Variants in SART1 observed in about 807,000 individuals in gnomAD.
The protein encoded by SART1 is spliceosome associated factor 1, recruiter of U4/U6.U5 tri-snRNP.
A neutral mutation model predicts 105.0 loss-of-function variants in SART1; 28 were observed. The observed-to-expected ratio is 0.27, with a 90% CI of 0.20 to 0.37. The LOEUF is 0.37. Ranked by LOEUF, SART1 falls within the 10% of genes least tolerant of loss-of-function variation. The pLI is 1.00. For missense variants in SART1, 894 were observed against 1,106.5 expected, an observed-to-expected ratio of 0.81 and a Z score of 2.72; for synonymous variants, 472 against 462.9, an observed-to-expected ratio of 1.02 and a Z score of -0.25.
At chr11:65,964,203 C>T (rs1855202666) in intron 2 of SART1, 72 bp downstream of exon 2, 1 of 1,277,444 alleles carries the variant, frequency 7.8e-7, no homozygotes, top group Non-Finnish European at 1.1e-6. Flanking sequence ...ACGGGGGAGG[C>T]TTTCTCACAT....
rs746994111 is a variant in SART1 at position 65,967,676 on chromosome 11, C to T, written c.1430-3C>T. 8 of 1,575,836 alleles carry T rather than the reference C, an allele frequency of 5.1e-6. No individual in the cohort carries two copies. The South Asian group carries it at 6.9e-5, about 14-fold the overall frequency. ...GAGCAGGCATCCCCTGTGTTTCCCCCAGAGGAAGGTGGAGCTCCACCGCCG... is the reference window on the plus strand; with the variant it reads ...GAGCAGGCATCCCCTGTGTTTCCCCTAGAGGAAGGTGGAGCTCCACCGCCG... On this transcript the variant is annotated splice_polypyrimidine_tract_variant and splice_region_variant and intron_variant, in intron 11 of 19. Transcript: ENST00000312397.
chr11:65,968,399 A>G (rs1353634293), intron 12 of SART1, among the ~76,000 whole-genome samples: 1 of 152,182 alleles, frequency 6.6e-6, no homozygotes, highest in Non-Finnish European at 1.5e-5. Context: ...ATTGGTGAAC[A>G]GGATAGCCAT....
rs757317150 is a variant in SART1, at chr11:65,979,062, C to G, written c.*32C>G. On this transcript the variant is annotated 3_prime_UTR_variant, in exon 20 of 20. Coordinates refer to ENST00000312397, the MANE Select transcript of SART1 (RefSeq NM_005146.5). The stretch of plus-strand genomic sequence containing the variant: ...CCTCCCGCCCCGGCCCTGCCTCAAC[C>G]TTCATATTAAATAAAGCTCCCTCCT... The G allele has an allele frequency of 1.3e-5, 21 of 1,613,816 alleles. No individual in the cohort carries two copies. The South Asian group carries it at 2.2e-4, about 17-fold the overall frequency.
chr11:65,967,717 C>G lies in SART1; in HGVS notation c.1468C>G (p.Leu490Val), dbSNP rs376037779. 65 of 1,560,256 alleles carry G rather than the reference C, an allele frequency of 4.2e-5. No homozygotes were observed. In the African/African-American group the frequency reaches 8.1e-4, roughly 19 times the overall value. The change falls in exon 12 of 20, where the codon CTG (leucine) becomes GTG (valine). Residue 490 changes from leucine (L) to valine (V), a missense_variant. Leu to Val is a conservative substitution (Grantham distance 32). This residue lies in a region of SART1 where 712 missense variants were observed against 778.2 expected (regional missense o/e 0.91). Transcript: ENST00000312397. ...TCCACCGCCGGGGTCCCCGCAGGTG[C>G]TGGAGGAGGACGAGGCGGAGCTGGA... ...GAPPPGSPQVLEEDEAELELQ... is the reference protein window; with the variant it reads ...GAPPPGSPQVVEEDEAELELQ...
chr11:65,973,627 C>T (rs1449258523), intron 12 of SART1, among the ~76,000 whole-genome samples: 1 of 152,212 alleles, frequency 6.6e-6, no homozygotes, highest in Non-Finnish European at 1.5e-5. Context: ...GCCCGGGGCC[C>T]ACCCCACACC....
intron 12 of SART1, among the ~76,000 whole-genome samples, chr11:65,975,952 G>T (rs1353237898): frequency 6.6e-6 from 1 of 152,168 alleles, no homozygotes; most frequent in Non-Finnish European, 1.5e-5. Flanking sequence ...GAAGCAGGAA[G>T]CGAGAAGCTG....
At chr11:65,962,128 G>GC (rs1555057423) in intron 1 of SART1, 35 bp downstream of exon 1, 1 of 960,044 alleles carries the variant, frequency 1.0e-6, no homozygotes. Flanking sequence ...GGGCGGGTCG[G>GC]GCGGGGGTCC....
At position 65,976,292 on chromosome 11, in the gene SART1, G is replaced by C. The variant is rs930388312; in HGVS notation, c.1573-103G>C. 2.4e-6 allele frequency: 3 copies of C among 1,238,982 alleles called. No individual in the cohort carries two copies. Among genetic ancestry groups the C allele is most frequent in the African/African-American group, 1.5e-5 (1 of 65,742 alleles). 76.7% of individuals were successfully genotyped at this position (1,238,982 alleles called of 1,614,324 possible). A position where few individuals can be genotyped will look rare whatever the true frequency, so the allele number is the denominator to read the frequency against. On this transcript the variant is annotated intron_variant, in intron 12 of 19. Coordinates refer to ENST00000312397, the MANE Select transcript of SART1 (RefSeq NM_005146.5). This position sits in a 1 kb window ranked among gnomAD's most constrained non-coding sequence, Gnocchi z 5.1. ...AGCTGGGCCTGCATGGGCTGTGGGCGTGGCCTGTCTGGCTGCTGCCAGGGA... is the reference window on the plus strand; with the variant it reads ...AGCTGGGCCTGCATGGGCTGTGGGCCTGGCCTGTCTGGCTGCTGCCAGGGA...
chr11:65,975,032 T>C (rs1200543144), intron 12 of SART1, among the ~76,000 whole-genome samples: 1 of 151,374 alleles, frequency 6.6e-6, no homozygotes, highest in African/African-American at 2.4e-5. Context: ...AAAGTGAGAC[T>C]CTGTCTCAAA....
intron 9 of SART1, 117 bp downstream of exon 9, chr11:65,966,673 C>T (rs1855266432): frequency 1.6e-6 from 2 of 1,232,270 alleles, no homozygotes; most frequent in African/African-American, 1.5e-5. Context: ...AAGCGCTTGG[C>T]CTCGCGGGTG....
Position 65,977,009 on chromosome 11 carries a change from C to G in SART1, c.1858-5C>G. 6.2e-7 allele frequency: 1 copy of G among 1,612,960 alleles called. No individual in the cohort carries two copies. Among genetic ancestry groups the G allele is most frequent in the Non-Finnish European group, 8.5e-7 (1 of 1,179,028 alleles). ...TGCTAACCACCCCCGCCACGTGTCC[C>G]GTAGTTCTCTGCTTCCTCCACCACC... is the stretch of plus-strand genomic sequence containing the variant. On this transcript the variant is annotated splice_polypyrimidine_tract_variant and splice_region_variant and intron_variant, in intron 14 of 19. Transcript: ENST00000312397.
Position 65,979,246 on chromosome 11 carries a change from C to G in SART1, c.*216C>G, listed in dbSNP as rs904479648. ...GAGCCCGGGTCCTCTAAGGCTCCTTCCTTCTCCCCTGGCTGTCGGTCACAC... is the reference window on the plus strand; with the variant it reads ...GAGCCCGGGTCCTCTAAGGCTCCTTGCTTCTCCCCTGGCTGTCGGTCACAC... On this transcript the variant is annotated 3_prime_UTR_variant, in exon 20 of 20. Transcript: ENST00000312397. 6 of 629,856 alleles carry G rather than the reference C, an allele frequency of 9.5e-6. No individual in the cohort carries two copies. Among genetic ancestry groups the G allele is most frequent in the South Asian group, 2.0e-5 (1 of 50,848 alleles). 39.0% of individuals were successfully genotyped at this position (629,856 alleles called of 1,614,324 possible).
rs761853584 is a variant in SART1, at chr11:65,976,666, G to A, written c.1757G>A (p.Arg586Gln). 6.8e-6 allele frequency: 11 copies of A among 1,613,676 alleles called. No homozygotes were observed. The highest frequency in any genetic ancestry group is 2.2e-5 in the East Asian group (1 of 44,876). Residue 586 changes from arginine to glutamine, a missense_variant, in exon 14 of 20, where the codon CGG (arginine) becomes CAG (glutamine). Physicochemically the swap from Arg to Gln is conservative, Grantham distance 43 (BLOSUM62 1). Around this residue, in one of 2 missense-constraint regions of SART1, gnomAD observed 182 missense variants for 328.3 expected, o/e 0.55. Coordinates refer to ENST00000312397, the MANE Select transcript of SART1 (RefSeq NM_005146.5). This position sits in a 1 kb window ranked among gnomAD's most constrained non-coding sequence, Gnocchi z 5.1. ...EEQEELMDFE[R>Q]DEERSANGGS... is the part of the protein sequence containing the mutation. Reference sequence around the variant, plus strand: ...TCTTTTGTGCCCCAGGACTTTGAACGGGATGAGGAGCGCTCAGCCAACGGT... The same window carrying A: ...TCTTTTGTGCCCCAGGACTTTGAACAGGATGAGGAGCGCTCAGCCAACGGT...
chr11:65,977,875 G>A lies in SART1; in HGVS notation c.2148G>A (p.Thr716=), dbSNP rs771471274. The change falls in exon 17 of 20, where the codon ACG becomes ACA. Residue 716 remains threonine (T), a synonymous_variant. Coordinates refer to ENST00000312397, the MANE Select transcript of SART1 (RefSeq NM_005146.5). ...TTAAGATCGAATACGTGGATGAGAC[G>A]GGCCGGAAACTCACACCCAAGGAGG... ...PDVKIEYVDE[T]GRKLTPKEAF... 17 of 1,612,898 alleles carry A rather than the reference G, an allele frequency of 1.1e-5. 1 individual carries two copies. Among genetic ancestry groups the A allele is most frequent in the Non-Finnish European group, 1.4e-5 (16 of 1,179,610 alleles).
Position 65,979,261 on chromosome 11 carries a change from G to A in SART1, c.*231G>A. 1 of 613,136 alleles carries A rather than the reference G, an allele frequency of 1.6e-6. No individual in the cohort carries two copies. The highest frequency in any genetic ancestry group is 2.9e-6 in the Non-Finnish European group (1 of 346,144). 38.0% of individuals were successfully genotyped at this position (613,136 alleles called of 1,614,324 possible). On this transcript the variant is annotated 3_prime_UTR_variant, in exon 20 of 20. Transcript: ENST00000312397. ...AAGGCTCCTTCCTTCTCCCCTGGCT[G>A]TCGGTCACACCTCTGCAGGGCCGGC...
At chr11:65,977,925 G>T in intron 17 of SART1, 26 bp downstream of exon 17, 1 of 1,573,962 alleles carries the variant, frequency 6.4e-7, no homozygotes, top group South Asian at 1.2e-5. Flanking sequence ...TGCAGGCGGA[G>T]GCCCGGCCTG....
In SART1 at chr11:65,975,136, C is replaced by T. The variant is rs1433132375; in HGVS notation, c.1573-1259C>T. ...TTTTTTTTTTGGAGACAGGGTATTG[C>T]TCTGTTGCCCAGGCTTGAGTGCAGT... On this transcript the variant is annotated intron_variant, in intron 12 of 19. Transcript: ENST00000312397. Among the ~76,000 whole-genome samples the T allele has an allele frequency of 2.2e-5, 3 of 139,002 alleles. No homozygotes were observed. In the South Asian group the frequency reaches 6.7e-4, roughly 31 times the overall value. 91.2% of individuals were successfully genotyped at this position (139,002 alleles called of 152,430 possible).
At chr11:65,963,654 A>G (rs2508192) in intron 1 of SART1, among the ~76,000 whole-genome samples, 1 of 151,942 alleles carries the variant, frequency 6.6e-6, no homozygotes, top group Non-Finnish European at 1.5e-5. Context: ...GCTAATTTTT[A>G]TATTTTTAGT....
In SART1 at chr11:65,976,687, A is replaced by G. The variant is rs542380135; in HGVS notation, c.1778A>G (p.Asn593Ser). The G allele has an allele frequency of 1.7e-5, 28 of 1,613,598 alleles. No homozygotes were observed. Among genetic ancestry groups the G allele is most frequent in the Non-Finnish European group, 2.1e-5 (25 of 1,179,934 alleles). The change falls in exon 14 of 20, where the codon AAC (asparagine) becomes AGC (serine). Residue 593 changes from asparagine (N) to serine (S), a missense_variant. Around this residue, in one of 2 missense-constraint regions of SART1, gnomAD observed 182 missense variants for 328.3 expected, o/e 0.55. Transcript: ENST00000312397. The surrounding 1 kb of genome is among the most constrained non-coding windows in gnomAD (Gnocchi z 5.1). ...DFERDEERSA[N>S]GGSESDGEEN... is the part of the protein sequence containing the mutation. ...GAACGGGATGAGGAGCGCTCAGCCA[A>G]CGGTGGCTCCGAATCTGACGGGGAG...
Sources: gnomAD v4.1 joint callset for allele counts (sites outside exome capture counted in the v4.1 genomes callset) on GRCh38, gnomAD v4.1.1 for gene constraint, gnomAD v4.1.1 regional missense constraint, Gnocchi (gnomAD v3.1) non-coding constraint, MANE v1.5 for transcripts, NCBI Gene and HGNC (gene_info 2026-07-23, HGNC 2026-07-21) for gene names.